Variants in CADM2 observed in about 807,000 individuals in gnomAD.
The protein encoded by CADM2 is cell adhesion molecule 2.
CADM2 carries 12 observed loss-of-function variants against 49.8 expected under a neutral mutation model. The ratio of observed to expected loss-of-function variants is 0.24; its 90% CI spans 0.15 to 0.39. The LOEUF is 0.39. CADM2 is among the 10% of genes least tolerant of loss of function. The pLI is 1.00. For synonymous variants in CADM2, 214 were observed against 175.4 expected, an observed-to-expected ratio of 1.22 and a Z score of -1.74; for missense variants, 378 against 492.3, an observed-to-expected ratio of 0.77 and a Z score of 2.20.
chr3:85,489,024 T>C (rs2039551269), intron 1 of CADM2, among the ~76,000 whole-genome samples: 1 of 152,104 alleles, frequency 6.6e-6, no homozygotes, highest in South Asian at 2.1e-4. Flanking sequence ...TTTTCCTGGG[T>C]AATATCTTAA....
chr3:85,529,537 C>G (rs927258317), intron 1 of CADM2, among the ~76,000 whole-genome samples: 1 of 152,152 alleles, frequency 6.6e-6, no homozygotes, highest in East Asian at 1.9e-4. Context: ...AATGATTATA[C>G]TTAAAACCAT....
chr3:85,484,939 C>T lies in CADM2; in HGVS notation c.62-241583C>T, dbSNP rs180931054. Among the ~76,000 whole-genome samples the T allele has an allele frequency of 1.6e-3, 246 of 151,924 alleles. 2 individuals carry two copies. Among genetic ancestry groups the T allele is most frequent in the African/African-American group, 5.7e-3 (238 of 41,502 alleles). ...ATTCATTTTCCTTCACGCAGTTTGC[C>T]AGTGTAGCACAGTAATAGTTTTATG... On this transcript the variant is annotated intron_variant, in intron 1 of 9. Coordinates refer to ENST00000383699, the MANE Select transcript of CADM2 (RefSeq NM_001167675.2).
chr3:85,552,366 G>GTGTTTTTTT lies in CADM2; in HGVS notation c.62-174155_62-174154insGTTTTTTTT, dbSNP rs2061828186. On this transcript the variant is annotated intron_variant, in intron 1 of 9. Coordinates refer to ENST00000383699, the MANE Select transcript of CADM2 (RefSeq NM_001167675.2). ...TAAAATAATTAAATCACTTTGAAAA[G>GTGTTTTTTT]TTTTTTTTTTTTTTTTTTTTTTTTT... 2.9e-4 allele frequency among the ~76,000 whole-genome samples: 25 copies of GTGTTTTTTT among 87,572 alleles called. 1 individual carries two copies. The highest frequency in any genetic ancestry group is 5.6e-4 in the Admixed American group (4 of 7,096). The allele number at this position is 87,572 out of a possible 152,430, so 57.5% of individuals were successfully genotyped here. A position where few individuals can be genotyped will look rare whatever the true frequency, so the allele number is the denominator to read the frequency against.
At chr3:86,002,842 T>C (rs1204954609) in intron 8 of CADM2, among the ~76,000 whole-genome samples, 3 of 152,168 alleles carry the variant, frequency 2.0e-5, no homozygotes, top group Non-Finnish European at 4.4e-5. Flanking sequence ...CTGACCCCTA[T>C]CTATAACCTA....
chr3:85,711,975 C>T (rs767552360), intron 1 of CADM2, among the ~76,000 whole-genome samples: 4 of 152,096 alleles, frequency 2.6e-5, no homozygotes, highest in South Asian at 2.1e-4. Flanking sequence ...ATGATGTAAT[C>T]GTCTCACCTT....
intron 1 of CADM2, among the ~76,000 whole-genome samples, chr3:85,544,228 G>A (rs2107065679): frequency 6.6e-6 from 1 of 152,268 alleles, no homozygotes; most frequent in South Asian, 2.1e-4. Flanking sequence ...CAAGTATACA[G>A]TAAAGGAAGG....
chr3:85,503,167 A>T (rs564371597), intron 1 of CADM2, among the ~76,000 whole-genome samples: 236 of 152,290 alleles, frequency 1.5e-3, no homozygotes, highest in African/African-American at 5.3e-3. Flanking sequence ...GGAATTAAGA[A>T]AACTCAGTGG....
At chr3:85,575,517 C>T (rs576772688) in intron 1 of CADM2, among the ~76,000 whole-genome samples, 7 of 152,226 alleles carry the variant, frequency 4.6e-5, no homozygotes, top group African/African-American at 1.7e-4. Context: ...CACCACTGCA[C>T]TCCAGCCTGG....
intron 1 of CADM2, among the ~76,000 whole-genome samples, chr3:85,157,366 G>C (rs1338643797): frequency 6.6e-6 from 1 of 151,618 alleles, no homozygotes; most frequent in Non-Finnish European, 1.5e-5. Context: ...AACCAAAAAA[G>C]AGCCCGCATC....
chr3:85,568,327 A>G (rs2062330805), intron 1 of CADM2, among the ~76,000 whole-genome samples: 1 of 152,192 alleles, frequency 6.6e-6, no homozygotes, highest in Admixed American at 6.5e-5. Context: ...TTTATAGGGT[A>G]GAAGTAGGGA....
intron 1 of CADM2, among the ~76,000 whole-genome samples, chr3:85,155,431 T>C (rs1185489565): frequency 6.6e-6 from 1 of 151,984 alleles, no homozygotes; most frequent in Admixed American, 6.6e-5. Context: ...AGCACCCAGA[T>C]TCATAAAGCA....
intron 8 of CADM2, chr3:85,993,675 G>A (rs1729043120): frequency 6.6e-6 from 1 of 152,068 alleles, no homozygotes; most frequent in Non-Finnish European, 1.5e-5. Context: ...GCTACAGAAT[G>A]GATGTTGTGT....
At chr3:85,520,606 G>A (rs1434431421) in intron 1 of CADM2, among the ~76,000 whole-genome samples, 2 of 151,950 alleles carry the variant, frequency 1.3e-5, no homozygotes, top group African/African-American at 2.4e-5. Context: ...ATAGCTGTAG[G>A]AAACTATTTG....
intron 3 of CADM2, among the ~76,000 whole-genome samples, chr3:85,836,835 TG>T (rs1473963950): frequency 6.6e-6 from 1 of 151,634 alleles, no homozygotes; most frequent in Non-Finnish European, 1.5e-5. Context: ...ACGAGCAAAA[TG>T]GCATCTATAC....
At chr3:84,981,540 C>G (rs1559600786) in intron 1 of CADM2, among the ~76,000 whole-genome samples, 1 of 151,994 alleles carries the variant, frequency 6.6e-6, no homozygotes, top group African/African-American at 2.4e-5. Flanking sequence ...TTTGGATCCC[C>G]TATAGCTATA....
At chr3:85,853,920 A>G (rs1380487891) in intron 3 of CADM2, among the ~76,000 whole-genome samples, 1 of 152,080 alleles carries the variant, frequency 6.6e-6, no homozygotes, top group Non-Finnish European at 1.5e-5. Flanking sequence ...TATTTAGTAG[A>G]GGTTTAGGTG....
At chr3:85,171,714 T>TTTA (rs2040632972) in intron 1 of CADM2, among the ~76,000 whole-genome samples, 1 of 152,208 alleles carries the variant, frequency 6.6e-6, no homozygotes, top group Non-Finnish European at 1.5e-5. Context: ...AATAATTTTG[T>TTTA]ATGTACAGTT....
intron 1 of CADM2, among the ~76,000 whole-genome samples, chr3:85,150,591 C>T (rs1326507727): frequency 9.2e-5 from 14 of 151,980 alleles, no homozygotes; most frequent in Non-Finnish European, 1.3e-4. Flanking sequence ...TGTTTATTTG[C>T]TGAAATTCAA....
At chr3:85,704,520 G>A (rs2066877432) in intron 1 of CADM2, among the ~76,000 whole-genome samples, 1 of 151,934 alleles carries the variant, frequency 6.6e-6, no homozygotes, top group African/African-American at 2.4e-5. Context: ...TCATCACATG[G>A]CACAGAGAAG....
Sources: allele counts gnomAD v4.1 joint callset (sites outside exome capture counted in the v4.1 genomes callset), GRCh38; gene constraint gnomAD v4.1.1; transcripts MANE v1.5; gene names NCBI Gene and HGNC (gene_info 2026-07-23, HGNC 2026-07-21).